Variants in ZFAND6 observed in about 807,000 individuals in gnomAD.
ZFAND6 encodes the protein AN1-type zinc finger protein 6.
In ZFAND6, 12 loss-of-function variants were observed where a neutral mutation model predicts 24.5. The ratio of observed to expected loss-of-function variants is 0.49; its 90% confidence interval spans 0.31 to 0.79. The LOEUF (loss-of-function observed/expected upper bound fraction) is 0.79. ZFAND6 is among the 30% of genes least tolerant of loss of function. The pLI is 0.04. For missense variants in ZFAND6, 207 were observed against 245.9 expected (o/e 0.84, Z 1.06); for synonymous variants, 92 against 81.5 (o/e 1.13, Z -0.69).
At chr15:80,118,072 A>G (rs147513096) in intron 2 of ZFAND6, among the ~76,000 whole-genome samples, 22 of 152,080 alleles carry the variant, frequency 1.4e-4, no homozygotes, top group African/African-American at 5.1e-4. Flanking sequence ...ACATATGTAT[A>G]CATACTATAT....
intron 2 of ZFAND6, among the ~76,000 whole-genome samples, chr15:80,102,694 A>AT (rs1479900629): frequency 6.6e-6 from 1 of 152,182 alleles, no homozygotes; most frequent in Non-Finnish European, 1.5e-5. Context: ...TCTGTTTGAG[A>AT]TGATTCCACT....
intron 1 of ZFAND6, among the ~76,000 whole-genome samples, chr15:80,085,526 G>A (rs934258518): frequency 6.6e-6 from 1 of 152,006 alleles, no homozygotes; most frequent in Admixed American, 6.6e-5. Flanking sequence ...AACTTTTCTG[G>A]TCATACAATT....
chr15:80,063,627 G>T (rs1166097996), intron 1 of ZFAND6, among the ~76,000 whole-genome samples: 1 of 150,138 alleles, frequency 6.7e-6, no homozygotes, highest in Non-Finnish European at 1.5e-5. Flanking sequence ...GCACAATCTC[G>T]GCTCACAGCA....
chr15:80,084,030 C>T (rs1012837644), intron 1 of ZFAND6, among the ~76,000 whole-genome samples: 3 of 152,258 alleles, frequency 2.0e-5, no homozygotes, highest in African/African-American at 7.2e-5. Flanking sequence ...TCCTCTTAGG[C>T]AGTAAAGTGG....
chr15:80,077,856 C>T (rs1306259883), intron 1 of ZFAND6, among the ~76,000 whole-genome samples: 4 of 151,726 alleles, frequency 2.6e-5, no homozygotes, highest in Non-Finnish European at 5.9e-5. Context: ...TCTGCCACCA[C>T]GCCCGGCTAA....
At chr15:80,059,458 C>CT (rs947942813), upstream of ZFAND6, 145 of 152,398 alleles carry the variant, frequency 9.5e-4, no homozygotes, top group African/African-American at 3.3e-3. Flanking sequence ...GGAGCATCTC[C>CT]TTTCGCTCCG....
chr15:80,073,008 CTTAAAATG>C (rs914740791), intron 1 of ZFAND6, among the ~76,000 whole-genome samples: 4 of 151,924 alleles, frequency 2.6e-5, no homozygotes, highest in Admixed American at 2.6e-4. Flanking sequence ...TTTCCTTAAA[CTTAAAATG>C]TTAAGTTGCT....
intron 5 of ZFAND6, 104 bp downstream of exon 5, chr15:80,122,904 T>A: frequency 1.4e-6 from 1 of 723,076 alleles, no homozygotes; most frequent in Non-Finnish European, 2.2e-6. Flanking sequence ...TACATGTTTT[T>A]CTGTTTTCCC....
At chr15:80,086,562 A>G (rs2038018555) in intron 1 of ZFAND6, among the ~76,000 whole-genome samples, 2 of 152,200 alleles carry the variant, frequency 1.3e-5, no homozygotes, top group Admixed American at 1.3e-4. Context: ...CCCTTTCTTG[A>G]CATTTCATAT....
At chr15:80,079,530 T>G (rs1031039930) in intron 1 of ZFAND6, among the ~76,000 whole-genome samples, 1 of 152,050 alleles carries the variant, frequency 6.6e-6, no homozygotes, top group Non-Finnish European at 1.5e-5. Flanking sequence ...TACTCTGTTC[T>G]TTCTTTTGCT....
At chr15:80,077,776 T>G (rs2037379124) in intron 1 of ZFAND6, among the ~76,000 whole-genome samples, 3 of 143,280 alleles carry the variant, frequency 2.1e-5, no homozygotes, top group Admixed American at 1.5e-4. Flanking sequence ...CTCAGTTCAC[T>G]GCAACCTCCA....
intron 1 of ZFAND6, among the ~76,000 whole-genome samples, chr15:80,065,764 C>T (rs2036597920): frequency 1.3e-5 from 2 of 151,688 alleles, no homozygotes; most frequent in African/African-American, 4.8e-5. Context: ...AAGCTGGTCT[C>T]GAACCCCTGA....
At chr15:80,097,559 G>C (rs987036763) in intron 1 of ZFAND6, among the ~76,000 whole-genome samples, 2 of 152,058 alleles carry the variant, frequency 1.3e-5, no homozygotes, top group Non-Finnish European at 2.9e-5. Flanking sequence ...TGAGGCAGGA[G>C]AATCTCTTGA....
At chr15:80,109,673 C>T (rs558185183) in intron 2 of ZFAND6, among the ~76,000 whole-genome samples, 30 of 152,188 alleles carry the variant, frequency 2.0e-4, no homozygotes, top group African/African-American at 6.5e-4. Flanking sequence ...GTTGGGAAGC[C>T]ACTGGAAGAT....
At chr15:80,083,937 G>A (rs80307044) in intron 1 of ZFAND6, among the ~76,000 whole-genome samples, 5,904 of 152,250 alleles carry the variant, frequency 0.039, 150 homozygotes, top group Non-Finnish European at 0.053. Context: ...GACAAGATGA[G>A]CTAAACCTAT....
chr15:80,101,847 C>A (rs926574839), intron 2 of ZFAND6, among the ~76,000 whole-genome samples: 44 of 138,860 alleles, frequency 3.2e-4, no homozygotes, highest in Non-Finnish European at 5.4e-4. Context: ...GGCTGGAGTG[C>A]AGTGGTGCGA....
At chr15:80,073,720 T>G (rs1430385033) in intron 1 of ZFAND6, among the ~76,000 whole-genome samples, 4 of 151,988 alleles carry the variant, frequency 2.6e-5, no homozygotes, top group African/African-American at 7.2e-5. Context: ...CTGTCTTATA[T>G]TCTTGCAGTT....
chr15:80,106,103 C>T (rs2039310465), intron 2 of ZFAND6, among the ~76,000 whole-genome samples: 2 of 152,150 alleles, frequency 1.3e-5, no homozygotes, highest in Non-Finnish European at 2.9e-5. Context: ...TGTTTAATAG[C>T]TAGCGGAGTG....
chr15:80,127,462 C>T (rs938737211), intron 5 of ZFAND6, among the ~76,000 whole-genome samples: 7 of 151,876 alleles, frequency 4.6e-5, no homozygotes, highest in African/African-American at 1.7e-4. Flanking sequence ...ATGTCATGCG[C>T]CTGTAGTCTC....
Sources: allele counts gnomAD v4.1 joint callset (sites outside exome capture counted in the v4.1 genomes callset), GRCh38; gene constraint gnomAD v4.1.1; transcripts MANE v1.5; gene names NCBI Gene and HGNC (gene_info 2026-07-23, HGNC 2026-07-21).